The following PLCE1 variants were observed in gnomAD, a reference collection of about 807,000 sequenced individuals.
The protein encoded by PLCE1 is phospholipase C epsilon 1, also known as 1-phosphatidylinositol 4,5-bisphosphate phosphodiesterase epsilon-1.
In PLCE1, 119 loss-of-function variants were observed where a neutral mutation model predicts 242.8. The observed-to-expected ratio is 0.49, with a 90% CI of 0.42 to 0.57. The LOEUF (loss-of-function observed/expected upper bound fraction) is 0.57, where lower values mean the gene tolerates loss of function less well. PLCE1 is among the 20% of genes least tolerant of loss of function. PLCE1 has a pLI of 0.00. For missense variants in PLCE1, 2,441 were observed against 2,788.8 expected (o/e 0.88, Z 2.81); for synonymous variants, 945 against 1,017.4 (o/e 0.93, Z 1.35).
rs1355346364 is a variant in PLCE1, at chr10:94,031,149, G to C, written c.103G>C (p.Asp35His). ...AADESSEKVS[D>H]INISKAHTVR... The stretch of plus-strand genomic sequence containing the variant: ...AGATGAAAGTAGTGAAAAGGTCTCA[G>C]ACATCAATATTTCAAAAGCACATAC... Residue 35 changes from aspartate to histidine, a missense_variant, in exon 2 of 33, where the codon GAC (aspartate) becomes CAC (histidine). Asp to His is a moderately conservative substitution (Grantham distance 81). This residue lies in a region of PLCE1 where 393 missense variants were observed against 378.5 expected (regional missense o/e 1.04). Coordinates refer to ENST00000371380, the MANE Select transcript of PLCE1 (RefSeq NM_016341.4). The C allele has an allele frequency of 1.2e-6, 2 of 1,613,730 alleles. No individual in the cohort carries two copies.
intron 2 of PLCE1, among the ~76,000 whole-genome samples, chr10:94,035,159 TA>T (rs1426341347): frequency 6.6e-6 from 1 of 152,196 alleles, no homozygotes; most frequent in African/African-American, 2.4e-5. Flanking sequence ...TCATCTTAGT[TA>T]AAAATGCAGT....
intron 2 of PLCE1, among the ~76,000 whole-genome samples, chr10:94,057,883 C>G (rs2043950842): frequency 6.6e-6 from 1 of 152,168 alleles, no homozygotes; most frequent in Admixed American, 6.5e-5. Flanking sequence ...GGTTCATTTC[C>G]TTCTCCTACT....
intron 22 of PLCE1, among the ~76,000 whole-genome samples, chr10:94,292,355 A>C (rs1016555399): frequency 2.0e-5 from 3 of 152,200 alleles, no homozygotes; most frequent in African/African-American, 7.2e-5. Flanking sequence ...TACTCAAAGG[A>C]AATGCTCATG....
At chr10:94,189,391 A>G (rs1012785739) in intron 4 of PLCE1, among the ~76,000 whole-genome samples, 13 of 151,952 alleles carry the variant, frequency 8.6e-5, no homozygotes, top group Non-Finnish European at 1.9e-4. Flanking sequence ...GGCAGTTGAC[A>G]TACATTCTAG....
chr10:94,045,609 A>C (rs1350270251), intron 2 of PLCE1, among the ~76,000 whole-genome samples: 2 of 152,260 alleles, frequency 1.3e-5, no homozygotes, highest in East Asian at 3.8e-4. Context: ...TATAAAAAAT[A>C]CATTTCTGAT....
rs116627524 is a variant in PLCE1 at position 94,253,574 on chromosome 10, C to T, written c.3280-616C>T. Reference sequence around the variant, plus strand: ...CTCACTATGTTGCCCAGGCTGGTCTCGAACTCCAGGCCTTAAGTAATCCTA... The same window carrying T: ...CTCACTATGTTGCCCAGGCTGGTCTTGAACTCCAGGCCTTAAGTAATCCTA... On this transcript the variant is annotated intron_variant, in intron 9 of 32. Coordinates refer to ENST00000371380, the MANE Select transcript of PLCE1 (RefSeq NM_016341.4). Among the ~76,000 whole-genome samples, 340 of 152,154 alleles carry T rather than the reference C, an allele frequency of 2.2e-3. 1 individual carries two copies. The highest frequency in any genetic ancestry group is 7.6e-3 in the African/African-American group (314 of 41,508).
rs1379402077 is a variant in PLCE1 at position 94,182,018 on chromosome 10, C to G, written c.1809+10522C>G. Among the ~76,000 whole-genome samples the G allele has an allele frequency of 2.0e-5, 3 of 152,008 alleles. No homozygotes were observed. In the East Asian group the frequency reaches 5.8e-4, roughly 29 times the overall value. ...AGAATCACTGCTCTAGAACATCAGT[C>G]ACAGCAGTACTCAAAGAGAACAAAG... is the stretch of plus-strand genomic sequence containing the variant. On this transcript the variant is annotated intron_variant, in intron 4 of 32. Coordinates refer to ENST00000371380, the MANE Select transcript of PLCE1 (RefSeq NM_016341.4).
At position 94,045,928 on chromosome 10, in the gene PLCE1, G is replaced by A. The variant is rs186341534; in HGVS notation, c.1206+13676G>A. 6.7e-3 allele frequency among the ~76,000 whole-genome samples: 1,010 copies of A among 151,184 alleles called. 16 individuals are homozygous for A. The highest frequency in any genetic ancestry group is 0.023 in the African/African-American group (933 of 41,046). On this transcript the variant is annotated intron_variant, in intron 2 of 32. Transcript: ENST00000371380. ...ATCCTGGCTAACATGGTGAAACTCC[G>A]TGTCTAATAAAAATACAAAAAATTA...
At chr10:94,273,269 T>C (rs554741506) in intron 18 of PLCE1, among the ~76,000 whole-genome samples, 1 of 152,362 alleles carries the variant, frequency 6.6e-6, no homozygotes, top group African/African-American at 2.4e-5. Flanking sequence ...TGATTCTCTG[T>C]TTTCTTATTT....
rs749324639 is a variant in PLCE1, at chr10:94,031,930, C to A, written c.884C>A (p.Thr295Asn). The change falls in exon 2 of 33, where the codon ACC becomes AAC. Residue 295 changes from threonine (T) to asparagine (N), a missense_variant. By Grantham distance (65) the Thr-to-Asn change is moderately conservative (BLOSUM62 0). Around this residue, in one of 5 missense-constraint regions of PLCE1, gnomAD observed 393 missense variants for 378.5 expected, o/e 1.04. Transcript: ENST00000371380. ...KDFTDSQAAKTFLSHFEDFPD... is the reference protein window; with the variant it reads ...KDFTDSQAAKNFLSHFEDFPD... The stretch of plus-strand genomic sequence containing the variant: ...TTTACTGACAGTCAAGCTGCCAAGA[C>A]CTTTTTGAGCCATTTTGAGGACTTC... 6.2e-7 allele frequency: 1 copy of A among 1,613,862 alleles called. No individual in the cohort carries two copies. The highest frequency in any genetic ancestry group is 8.5e-7 in the Non-Finnish European group (1 of 1,179,838).
At chr10:94,134,726 C>T (rs1322047250) in intron 3 of PLCE1, among the ~76,000 whole-genome samples, 1 of 152,196 alleles carries the variant, frequency 6.6e-6, no homozygotes, top group Non-Finnish European at 1.5e-5. Context: ...GTGTGTGCAT[C>T]TATGGCCCTG....
chr10:94,128,852 C>T (rs1266728980), intron 2 of PLCE1, among the ~76,000 whole-genome samples: 1 of 152,222 alleles, frequency 6.6e-6, no homozygotes, highest in Non-Finnish European at 1.5e-5. Context: ...TGGGCACTGG[C>T]ATCCAGTGGA....
chr10:94,256,423 C>A (rs1029878057), intron 11 of PLCE1, among the ~76,000 whole-genome samples: 1 of 150,766 alleles, frequency 6.6e-6, no homozygotes, highest in Non-Finnish European at 1.5e-5. Flanking sequence ...AATAAAAATT[C>A]TTTCACAATG....
At chr10:93,995,328 C>G (rs893882821) in intron 1 of PLCE1, among the ~76,000 whole-genome samples, 2 of 152,224 alleles carry the variant, frequency 1.3e-5, no homozygotes, top group African/African-American at 4.8e-5. Context: ...TCCCCCACAT[C>G]CACCACTCTA....
At chr10:94,201,748 G>T (rs2048994331) in intron 4 of PLCE1, among the ~76,000 whole-genome samples, 1 of 152,164 alleles carries the variant, frequency 6.6e-6, no homozygotes, top group Admixed American at 6.5e-5. Context: ...CAAAGTGCTG[G>T]GATTACAGGC....
intron 27 of PLCE1, among the ~76,000 whole-genome samples, chr10:94,312,037 G>A (rs186893095): frequency 3.3e-5 from 5 of 152,194 alleles, no homozygotes; most frequent in Admixed American, 1.3e-4. Flanking sequence ...TTGTGATGTC[G>A]TCAGATCTCT....
At chr10:94,223,887 C>T (rs1416888865) in intron 4 of PLCE1, among the ~76,000 whole-genome samples, 2 of 152,128 alleles carry the variant, frequency 1.3e-5, no homozygotes, top group East Asian at 3.9e-4. Context: ...GGATTGGCAA[C>T]ACATCCCATT....
intron 1 of PLCE1, among the ~76,000 whole-genome samples, chr10:94,027,296 G>T (rs1464194276): frequency 6.6e-6 from 1 of 152,192 alleles, no homozygotes; most frequent in Non-Finnish European, 1.5e-5. Flanking sequence ...TGACTTATCA[G>T]ATGGTAAGGA....
intron 1 of PLCE1, among the ~76,000 whole-genome samples, chr10:94,022,672 A>G (rs1456182324): frequency 1.3e-5 from 2 of 152,044 alleles, no homozygotes; most frequent in African/African-American, 2.4e-5. Flanking sequence ...TTACTGATCA[A>G]GGTAAATGGT....
Sources: gnomAD v4.1 joint callset for allele counts (sites outside exome capture counted in the v4.1 genomes callset) on GRCh38, gnomAD v4.1.1 for gene constraint, gnomAD v4.1.1 regional missense constraint, MANE v1.5 for transcripts, NCBI Gene and HGNC (gene_info 2026-07-23, HGNC 2026-07-21) for gene names.